The following KCNK13 variants were observed in gnomAD, a reference collection of about 807,000 sequenced individuals.
KCNK13 encodes the protein potassium channel subfamily K member 13.
KCNK13 carries 12 observed loss-of-function variants against 23.4 expected under a neutral mutation model. The ratio of observed to expected loss-of-function variants is 0.51; its 90% confidence interval spans 0.33 to 0.83. KCNK13 has a LOEUF of 0.83. Among genes scored for constraint, KCNK13 ranks in the 40% least tolerant of loss-of-function variants. KCNK13 has a pLI of 0.02. For missense variants in KCNK13, 463 were observed against 556.3 expected (o/e 0.83, Z 1.69); for synonymous variants, 231 against 229.5 (o/e 1.01, Z -0.06).
chr14:90,114,241 C>T (rs1889648290), intron 1 of KCNK13, among the ~76,000 whole-genome samples: 1 of 152,174 alleles, frequency 6.6e-6, no homozygotes, highest in Non-Finnish European at 1.5e-5. Context: ...ATCTGCCCCT[C>T]CCCACGTATC....
At chr14:90,099,048 C>T (rs888311497) in intron 1 of KCNK13, among the ~76,000 whole-genome samples, 1 of 151,890 alleles carries the variant, frequency 6.6e-6, no homozygotes, top group Non-Finnish European at 1.5e-5. Context: ...GCACTCCAGC[C>T]TGGGTGGCAG....
chr14:90,085,923 T>C (rs923332397), intron 1 of KCNK13, among the ~76,000 whole-genome samples: 3 of 148,252 alleles, frequency 2.0e-5, no homozygotes, highest in African/African-American at 7.4e-5. Context: ...CCTTTTCTTA[T>C]GCCCTTTGTC....
Position 90,072,594 on chromosome 14 carries a change from G to A in KCNK13, c.334+10055G>A, listed in dbSNP as rs183674614. ...AGTGTAGCAGAGCTTGCTTTTTATA[G>A]TTCACTTAAAGGACGCTTGTTCACA... On this transcript the variant is annotated intron_variant, in intron 1 of 1. Coordinates refer to ENST00000282146, the MANE Select transcript of KCNK13 (RefSeq NM_022054.4). Among the ~76,000 whole-genome samples the A allele has an allele frequency of 9.3e-4, 142 of 152,298 alleles. 1 individual carries two copies. Among genetic ancestry groups the A allele is most frequent in the African/African-American group, 3.2e-3 (135 of 41,580 alleles).
intron 1 of KCNK13, chr14:90,107,679 C>T: frequency 1.4e-6 from 1 of 727,922 alleles, no homozygotes; most frequent in Non-Finnish European, 2.6e-6. Flanking sequence ...GTCAGCATGG[C>T]TCAAGAGTGT....
At chr14:90,134,646 T>G (rs921966778) in intron 1 of KCNK13, among the ~76,000 whole-genome samples, 7 of 152,226 alleles carry the variant, frequency 4.6e-5, no homozygotes, top group African/African-American at 1.7e-4. Context: ...TAGTATAGGA[T>G]AATCGTATGA....
chr14:90,119,991 T>G (rs1889718247), intron 1 of KCNK13, among the ~76,000 whole-genome samples: 1 of 152,172 alleles, frequency 6.6e-6, no homozygotes, highest in Non-Finnish European at 1.5e-5. Flanking sequence ...AGGAGTTTTT[T>G]GTACAAATTA....
chr14:90,150,369 T>C (rs1466701212), intron 1 of KCNK13, among the ~76,000 whole-genome samples: 1 of 152,136 alleles, frequency 6.6e-6, no homozygotes, highest in Non-Finnish European at 1.5e-5. Flanking sequence ...AATCCAGCGT[T>C]TGGGGAGGCT....
intron 1 of KCNK13, among the ~76,000 whole-genome samples, chr14:90,090,893 C>T (rs1889336929): frequency 6.6e-6 from 1 of 152,210 alleles, no homozygotes; most frequent in South Asian, 2.1e-4. Context: ...ACTGTGAGGC[C>T]TTCCCAGCCA....
intron 1 of KCNK13, among the ~76,000 whole-genome samples, chr14:90,125,063 C>T (rs973149229): frequency 1.3e-5 from 2 of 152,060 alleles, no homozygotes; most frequent in African/African-American, 4.8e-5. Context: ...GAATTTTTTA[C>T]TGTAGATGGA....
chr14:90,116,370 A>G (rs1889676971), intron 1 of KCNK13, among the ~76,000 whole-genome samples: 1 of 152,220 alleles, frequency 6.6e-6, no homozygotes, highest in Non-Finnish European at 1.5e-5. Flanking sequence ...AAAAACAAGC[A>G]TGGCTGTGGT....
chr14:90,134,100 C>T (rs541131790), intron 1 of KCNK13, among the ~76,000 whole-genome samples: 1 of 152,212 alleles, frequency 6.6e-6, no homozygotes, highest in East Asian at 1.9e-4. Flanking sequence ...TGCTTGTGGT[C>T]CCAGTTACTC....
intron 1 of KCNK13, among the ~76,000 whole-genome samples, chr14:90,087,154 A>ATATATTTTT (rs1282261147): frequency 9.3e-6 from 1 of 107,650 alleles, no homozygotes. Context: ...ATATATATAT[A>ATATATTTTT]TTTTTTTTTT....
At chr14:90,095,545 CT>C (rs1889400538) in intron 1 of KCNK13, among the ~76,000 whole-genome samples, 1 of 152,020 alleles carries the variant, frequency 6.6e-6, no homozygotes, top group Admixed American at 6.6e-5. Flanking sequence ...AGAAGGGCCT[CT>C]TTTTTCTTTT....
At chr14:90,078,408 A>G (rs1275747773) in intron 1 of KCNK13, among the ~76,000 whole-genome samples, 1 of 92,136 alleles carries the variant, frequency 1.1e-5, no homozygotes, top group African/African-American at 4.4e-5. Flanking sequence ...TGACAGAGCA[A>G]GACAGTCTCA....
chr14:90,154,930 G>T (rs931714271), intron 1 of KCNK13, among the ~76,000 whole-genome samples: 2 of 152,214 alleles, frequency 1.3e-5, no homozygotes, highest in Admixed American at 6.5e-5. Context: ...AATAATATTT[G>T]TTGAGCCCTT....
At chr14:90,128,981 C>T (rs1474665523) in intron 1 of KCNK13, among the ~76,000 whole-genome samples, 1 of 152,180 alleles carries the variant, frequency 6.6e-6, no homozygotes, top group Non-Finnish European at 1.5e-5. Flanking sequence ...GACCACTACC[C>T]TGAACTGGGT....
At chr14:90,085,793 CTTTATATTATATATTATATT>C (rs1889267130) in intron 1 of KCNK13, among the ~76,000 whole-genome samples, 1 of 122,070 alleles carries the variant, frequency 8.2e-6, no homozygotes, top group Non-Finnish European at 1.6e-5. Flanking sequence ...ATATTATATA[CTTTATATTATATATTATATT>C]ATATATTATA....
intron 1 of KCNK13, among the ~76,000 whole-genome samples, chr14:90,103,893 C>G (rs12588881): frequency 6.6e-6 from 1 of 151,876 alleles, no homozygotes; most frequent in Non-Finnish European, 1.5e-5. Context: ...TTGTTTCTCT[C>G]TCTCTCCTGG....
intron 1 of KCNK13, among the ~76,000 whole-genome samples, chr14:90,169,910 G>A (rs1890345331): frequency 6.6e-6 from 1 of 152,188 alleles, no homozygotes. Context: ...AGGGGTAGGA[G>A]GAAGAGAGCA....
Sources: gnomAD v4.1 joint callset for allele counts (sites outside exome capture counted in the v4.1 genomes callset) on GRCh38, gnomAD v4.1.1 for gene constraint, MANE v1.5 for transcripts, NCBI Gene and HGNC (gene_info 2026-07-23, HGNC 2026-07-21) for gene names.